MEIS2: variants seen among roughly 807,000 people sequenced by gnomAD.
MEIS2 encodes homeobox protein Meis2.
A neutral mutation model predicts 58.6 loss-of-function variants in MEIS2; 9 were observed. That is an observed-to-expected ratio of 0.15 (90% confidence interval 0.09 to 0.27). MEIS2 has a LOEUF of 0.27. MEIS2 is among the 10% of genes least tolerant of loss of function. The probability of loss-of-function intolerance (pLI) is 1.00; values close to 1 mark genes in which losing one functional copy is unlikely to be tolerated. For missense variants in MEIS2, 427 were observed against 635.0 expected (o/e 0.67, Z 3.52); for synonymous variants, 221 against 228.4 (o/e 0.97, Z 0.29).
At chr15:37,022,039 A>AT in intron 8 of MEIS2, among the ~76,000 whole-genome samples, 1 of 152,204 alleles carries the variant, frequency 6.6e-6, no homozygotes, top group African/African-American at 2.4e-5. Flanking sequence ...GTGACTTTCA[A>AT]TTTTTTATTA....
intron 9 of MEIS2, among the ~76,000 whole-genome samples, chr15:36,928,960 TAAAATA>T (rs2057860052): frequency 6.6e-6 from 1 of 151,958 alleles, no homozygotes; most frequent in Non-Finnish European, 1.5e-5. Context: ...AAAAGCAAAA[TAAAATA>T]ACTCACAGTT....
At chr15:36,930,978 G>C (rs1371759920) in intron 9 of MEIS2, among the ~76,000 whole-genome samples, 1 of 152,164 alleles carries the variant, frequency 6.6e-6, no homozygotes. Context: ...CATCAAAATT[G>C]CAGTGAGTAA....
chr15:37,070,658 C>G (rs1011226132), intron 7 of MEIS2, among the ~76,000 whole-genome samples: 4 of 152,042 alleles, frequency 2.6e-5, no homozygotes, highest in Admixed American at 6.6e-5. Context: ...ATTCTTGGAA[C>G]CATAGTTTTC....
chr15:36,993,731 T>C (rs1442592887), intron 8 of MEIS2, among the ~76,000 whole-genome samples: 2 of 152,176 alleles, frequency 1.3e-5, no homozygotes, highest in Admixed American at 6.5e-5. Context: ...TATAACTGAA[T>C]CTACAAATGT....
intron 7 of MEIS2, among the ~76,000 whole-genome samples, chr15:37,081,471 T>C (rs1892196168): frequency 6.6e-6 from 1 of 152,152 alleles, no homozygotes; most frequent in South Asian, 2.1e-4. Flanking sequence ...GACAATTCGG[T>C]GGGACAAAAT....
chr15:37,098,995 G>A, intron 1 of MEIS2: 9 of 983,728 alleles, frequency 9.1e-6, no homozygotes, highest in Non-Finnish European at 1.1e-5. Flanking sequence ...GCGGCGCAGC[G>A]GCTGCGGCAG....
chr15:36,974,664 A>C (rs912103215), intron 8 of MEIS2, among the ~76,000 whole-genome samples: 3 of 152,180 alleles, frequency 2.0e-5, no homozygotes, highest in African/African-American at 7.2e-5. Context: ...GTCCTCTGTA[A>C]GCTAAATCCA....
At chr15:37,088,488 C>T (rs1893152882) in intron 6 of MEIS2, among the ~76,000 whole-genome samples, 1 of 152,046 alleles carries the variant, frequency 6.6e-6, no homozygotes, top group African/African-American at 2.4e-5. Flanking sequence ...ACAAGGACTC[C>T]TATCTTGGGG....
At chr15:37,001,682 T>C (rs1182371804) in intron 8 of MEIS2, among the ~76,000 whole-genome samples, 1 of 152,202 alleles carries the variant, frequency 6.6e-6, no homozygotes, top group Admixed American at 6.5e-5. Context: ...CCTTTAGTCA[T>C]TCCCCTAAGG....
intron 8 of MEIS2, among the ~76,000 whole-genome samples, chr15:37,024,683 A>G (rs921493704): frequency 6.6e-6 from 1 of 152,132 alleles, no homozygotes; most frequent in African/African-American, 2.4e-5. Flanking sequence ...ATAAAATTCC[A>G]CTTATCACTT....
At chr15:37,029,791 A>T (rs2061842436) in intron 8 of MEIS2, among the ~76,000 whole-genome samples, 1 of 152,184 alleles carries the variant, frequency 6.6e-6, no homozygotes, top group African/African-American at 2.4e-5. Flanking sequence ...GGTAAGAAAT[A>T]GGTTCAGAGA....
chr15:37,025,466 G>A (rs1247710524), intron 8 of MEIS2, among the ~76,000 whole-genome samples: 7 of 152,056 alleles, frequency 4.6e-5, no homozygotes, highest in Admixed American at 3.3e-4. Flanking sequence ...ACCGTGCCCT[G>A]AAATGTTTGC....
At chr15:36,939,272 A>G (rs2141356275) in intron 9 of MEIS2, among the ~76,000 whole-genome samples, 1 of 152,284 alleles carries the variant, frequency 6.6e-6, no homozygotes, top group African/African-American at 2.4e-5. Context: ...ATGCATACCT[A>G]CTAAGAGTTA....
chr15:37,081,953 G>T (rs902299147), intron 7 of MEIS2, among the ~76,000 whole-genome samples: 2 of 152,096 alleles, frequency 1.3e-5, no homozygotes, highest in African/African-American at 4.8e-5. Context: ...TTTATGCTTT[G>T]CTCGTTATTA....
At chr15:37,028,553 A>T (rs2061791874) in intron 8 of MEIS2, among the ~76,000 whole-genome samples, 2 of 152,178 alleles carry the variant, frequency 1.3e-5, no homozygotes, top group Admixed American at 1.3e-4. Context: ...CTGTCTCTTT[A>T]ATTTGAGAAA....
At chr15:36,979,359 G>T (rs1308581213) in intron 8 of MEIS2, among the ~76,000 whole-genome samples, 1 of 151,998 alleles carries the variant, frequency 6.6e-6, no homozygotes, top group Admixed American at 6.6e-5. Flanking sequence ...AGGCACTTCT[G>T]GTCCCAAGCA....
intron 8 of MEIS2, among the ~76,000 whole-genome samples, chr15:37,019,789 C>G (rs1165243993): frequency 6.6e-6 from 1 of 152,108 alleles, no homozygotes; most frequent in Non-Finnish European, 1.5e-5. Context: ...AAATATAATC[C>G]AAACAGAAGT....
At chr15:37,075,712 G>A (rs1359400306) in intron 7 of MEIS2, among the ~76,000 whole-genome samples, 2 of 152,046 alleles carry the variant, frequency 1.3e-5, no homozygotes, top group East Asian at 3.9e-4. Context: ...TAATTACAAC[G>A]CAGTGTGAAA....
intron 8 of MEIS2, among the ~76,000 whole-genome samples, chr15:37,031,215 G>A (rs2061907337): frequency 6.6e-6 from 1 of 152,166 alleles, no homozygotes; most frequent in Non-Finnish European, 1.5e-5. Flanking sequence ...ATGAGGCGCA[G>A]AGAGGGTAAT....
Sources: gnomAD v4.1 joint callset for allele counts (sites outside exome capture counted in the v4.1 genomes callset) on GRCh38, gnomAD v4.1.1 for gene constraint, MANE v1.5 for transcripts, NCBI Gene and HGNC (gene_info 2026-07-23, HGNC 2026-07-21) for gene names.